The following STK39 variants were observed in gnomAD, a reference collection of about 807,000 sequenced individuals.
STK39 encodes STE20/SPS1-related proline-alanine-rich protein kinase.
STK39 carries 20 observed loss-of-function variants against 77.8 expected under a neutral mutation model. That is an observed-to-expected ratio of 0.26 (90% CI 0.18 to 0.37). STK39 has a LOEUF of 0.37. Ranked by LOEUF, STK39 falls within the 10% of genes least tolerant of loss-of-function variation. The pLI is 1.00. For synonymous variants in STK39, 246 were observed against 234.1 expected (o/e 1.05, Z -0.47); for missense variants, 479 against 656.5 (o/e 0.73, Z 2.95).
chr2:168,026,855 C>A (rs569191898), intron 14 of STK39, among the ~76,000 whole-genome samples: 4 of 152,072 alleles, frequency 2.6e-5, no homozygotes, highest in African/African-American at 9.7e-5. Flanking sequence ...CAGTGGCTCA[C>A]GTCTGTAATC....
At chr2:167,984,352 A>G (rs535246562) in intron 16 of STK39, among the ~76,000 whole-genome samples, 5 of 152,306 alleles carry the variant, frequency 3.3e-5, no homozygotes, top group African/African-American at 1.2e-4. Context: ...GTAGGATTCG[A>G]GAGGGAGGTG....
chr2:168,074,847 C>G, intron 12 of STK39, 135 bp downstream of exon 12: 1 of 988,824 alleles, frequency 1.0e-6, no homozygotes, highest in Non-Finnish European at 1.5e-6. Context: ...GAATTAGGAG[C>G]TGCAAAGTCC....
chr2:168,229,991 T>C (rs1690411975), intron 1 of STK39, among the ~76,000 whole-genome samples: 1 of 152,216 alleles, frequency 6.6e-6, no homozygotes, highest in African/African-American at 2.4e-5. Context: ...CTATAATCAA[T>C]GGCACTATAA....
intron 10 of STK39, among the ~76,000 whole-genome samples, chr2:168,088,332 A>G (rs1431027689): frequency 6.6e-6 from 1 of 152,224 alleles, no homozygotes; most frequent in African/African-American, 2.4e-5. Context: ...AATGGCAGCA[A>G]TAGGCTCTCT....
At chr2:167,995,017 A>G (rs2105288082) in intron 16 of STK39, among the ~76,000 whole-genome samples, 1 of 152,118 alleles carries the variant, frequency 6.6e-6, no homozygotes, top group East Asian at 1.9e-4. Flanking sequence ...AATGATGACT[A>G]CATGAAGTCT....
chr2:168,104,903 C>T (rs1431217944), intron 10 of STK39, among the ~76,000 whole-genome samples: 1 of 152,070 alleles, frequency 6.6e-6, no homozygotes, highest in East Asian at 1.9e-4. Context: ...AGATGTCCAA[C>T]AAGGGACAGG....
chr2:168,078,150 G>A (rs1226372494), intron 10 of STK39, among the ~76,000 whole-genome samples: 1 of 152,138 alleles, frequency 6.6e-6, no homozygotes, highest in East Asian at 1.9e-4. Context: ...ATACCTAAAG[G>A]AATTCATAAT....
intron 14 of STK39, among the ~76,000 whole-genome samples, chr2:168,059,676 C>T (rs982618953): frequency 9.9e-5 from 15 of 152,138 alleles, no homozygotes; most frequent in African/African-American, 3.4e-4. Flanking sequence ...CAACTGTACC[C>T]GGACTTACAA....
chr2:168,231,091 T>C (rs1344247182), intron 1 of STK39, among the ~76,000 whole-genome samples: 1 of 152,176 alleles, frequency 6.6e-6, no homozygotes, highest in Non-Finnish European at 1.5e-5. Context: ...ATCACTTCTA[T>C]GAAATAGTGA....
At chr2:167,997,950 C>T (rs532159968) in intron 16 of STK39, among the ~76,000 whole-genome samples, 3 of 152,048 alleles carry the variant, frequency 2.0e-5, no homozygotes, top group East Asian at 1.9e-4. Flanking sequence ...AGCAATTTAA[C>T]GAATTGTGGG....
At chr2:167,974,517 G>C (rs1683220424) in intron 16 of STK39, among the ~76,000 whole-genome samples, 1 of 152,126 alleles carries the variant, frequency 6.6e-6, no homozygotes, top group African/African-American at 2.4e-5. Flanking sequence ...ATATTTTAGT[G>C]AATGATATTA....
chr2:168,192,966 C>A (rs1239844169), intron 1 of STK39, among the ~76,000 whole-genome samples: 1 of 152,134 alleles, frequency 6.6e-6, no homozygotes, highest in Non-Finnish European at 1.5e-5. Context: ...AGGGCCAGCA[C>A]TGACAACTTT....
chr2:168,137,582 A>T (rs1687872082), intron 8 of STK39, among the ~76,000 whole-genome samples: 1 of 152,250 alleles, frequency 6.6e-6, no homozygotes, highest in Non-Finnish European at 1.5e-5. Context: ...TAATCTTTTT[A>T]AGGTAAAAAA....
intron 1 of STK39, among the ~76,000 whole-genome samples, chr2:168,208,739 G>C (rs1447875100): frequency 6.6e-6 from 1 of 152,210 alleles, no homozygotes; most frequent in Non-Finnish European, 1.5e-5. Context: ...AGTGAAATGT[G>C]AGCAATGATG....
chr2:168,171,778 G>C (rs1688831382), intron 2 of STK39, among the ~76,000 whole-genome samples: 1 of 151,724 alleles, frequency 6.6e-6, no homozygotes, highest in Non-Finnish European at 1.5e-5. Flanking sequence ...GTGAGCCACT[G>C]TACCCTGCCA....
chr2:168,135,699 T>C (rs1315600743), intron 8 of STK39, among the ~76,000 whole-genome samples: 1 of 152,224 alleles, frequency 6.6e-6, no homozygotes, highest in Non-Finnish European at 1.5e-5. Context: ...TGTTGCTTTT[T>C]TCCATTCTTA....
At chr2:168,199,390 G>A (rs924954005) in intron 1 of STK39, among the ~76,000 whole-genome samples, 4 of 152,144 alleles carry the variant, frequency 2.6e-5, no homozygotes, top group African/African-American at 7.2e-5. Flanking sequence ...GGAGAAACTG[G>A]ACTCCATCCT....
At chr2:168,131,378 G>A (rs560203908) in intron 8 of STK39, among the ~76,000 whole-genome samples, 1 of 152,184 alleles carries the variant, frequency 6.6e-6, no homozygotes, top group African/African-American at 2.4e-5. Context: ...AAATAATATT[G>A]TAGCAGGGGG....
intron 1 of STK39, among the ~76,000 whole-genome samples, chr2:168,210,612 T>C (rs928165677): frequency 2.0e-5 from 3 of 152,156 alleles, no homozygotes; most frequent in African/African-American, 7.2e-5. Context: ...CTCCGCCTCC[T>C]GGGTTCAAGC....
Sources: gnomAD v4.1 joint callset for allele counts (sites outside exome capture counted in the v4.1 genomes callset) on GRCh38, gnomAD v4.1.1 for gene constraint, MANE v1.5 for transcripts, NCBI Gene and HGNC (gene_info 2026-07-23, HGNC 2026-07-21) for gene names.